Variants in RIPOR3 observed in about 807,000 individuals in gnomAD.
RIPOR3 encodes the protein family with sequence similarity 65 member C.
A neutral mutation model predicts 114.3 loss-of-function variants in RIPOR3; 95 were observed. That is an observed-to-expected ratio of 0.83 (90% CI 0.70 to 0.99). The LOEUF (loss-of-function observed/expected upper bound fraction) is 0.99, where lower values mean the gene tolerates loss of function less well. Ranked by LOEUF, RIPOR3 falls within the 50% of genes least tolerant of loss-of-function variation. The pLI, the probability that RIPOR3 is intolerant of heterozygous loss-of-function variation, is 0.00. For synonymous variants in RIPOR3, 575 were observed against 543.8 expected, an observed-to-expected ratio of 1.06 and a Z score of -0.80; for missense variants, 1,252 against 1,266.9, an observed-to-expected ratio of 0.99 and a Z score of 0.18.
Position 50,602,607 on chromosome 20 carries a change from A to T in RIPOR3, c.1124T>A (p.Leu375Gln). The T allele has an allele frequency of 6.6e-7, 1 of 1,509,728 alleles. No individual in the cohort carries two copies. Among genetic ancestry groups the T allele is most frequent in the Non-Finnish European group, 8.9e-7 (1 of 1,129,796 alleles). The allele number at this position is 1,509,728 out of a possible 1,614,324, so 93.5% of individuals were successfully genotyped here. ...LQQPTQQALLLGGPRATSILS... is the reference protein window; with the variant it reads ...LQQPTQQALLQGGPRATSILS... ...GATGGAGGTGGCCCTTGGGCCACCC[A>T]GCAGCAAGGCCTGCTGTGTTGGCTG... The change falls in exon 13 of 22, where the codon CTG becomes CAG. Residue 375 changes from leucine (L) to glutamine (Q), a missense_variant. Leu to Gln is a moderately radical substitution (Grantham distance 113, BLOSUM62 -2). Coordinates refer to ENST00000327979, the MANE Select transcript of RIPOR3 (RefSeq NM_001290268.2). The surrounding 1 kb of genome is among the most constrained non-coding windows in gnomAD (Gnocchi z 4.3).
chr20:50,668,819 T>C (rs1256970193), intron 1 of RIPOR3, among the ~76,000 whole-genome samples: 1 of 151,406 alleles, frequency 6.6e-6, no homozygotes, highest in Non-Finnish European at 1.5e-5. Flanking sequence ...ATCAAGCCAC[T>C]GCCCTCCAGC....
intron 19 of RIPOR3, 175 bp from the exon 20 acceptor site, chr20:50,589,944 T>C (rs531976013): frequency 1.1e-5 from 6 of 565,584 alleles, no homozygotes; most frequent in Non-Finnish European, 1.9e-5. Context: ...TCACAAGATC[T>C]ATACTGTGGT....
intron 1 of RIPOR3, among the ~76,000 whole-genome samples, chr20:50,679,638 G>A (rs1263014437): frequency 2.4e-4 from 36 of 151,114 alleles, no homozygotes; most frequent in African/African-American, 6.6e-4. Flanking sequence ...GCGTGGTGGC[G>A]CTCACCTGTA....
chr20:50,630,875 A>G lies in RIPOR3; in HGVS notation c.4-19T>C. The G allele has an allele frequency of 6.4e-7, 1 of 1,571,286 alleles. No individual in the cohort carries two copies. Among genetic ancestry groups the G allele is most frequent in the Non-Finnish European group, 8.6e-7 (1 of 1,156,202 alleles). ...TGGTCACCTGCAAGGAGAGGACAGG[A>G]GAGTCAGCCTGGCATCACCATCCAG... On this transcript the variant is annotated intron_variant, in intron 1 of 21. Transcript: ENST00000327979.
chr20:50,650,084 G>C (rs2085547456), intron 1 of RIPOR3, among the ~76,000 whole-genome samples: 1 of 152,154 alleles, frequency 6.6e-6, no homozygotes, highest in South Asian at 2.1e-4. Context: ...TTGGAGATCA[G>C]GGTGACTGCA....
At chr20:50,687,774 G>T (rs2087078730) in intron 1 of RIPOR3, among the ~76,000 whole-genome samples, 1 of 152,016 alleles carries the variant, frequency 6.6e-6, no homozygotes, top group African/African-American at 2.4e-5. Flanking sequence ...ATGGTAGCGG[G>T]TGCCTGTAAT....
At chr20:50,607,997 T>TGACC (rs1483869024) in intron 11 of RIPOR3, among the ~76,000 whole-genome samples, 12 of 151,990 alleles carry the variant, frequency 7.9e-5, no homozygotes, top group Non-Finnish European at 1.3e-4. Flanking sequence ...GGGACGCAGG[T>TGACC]GACCGCTCAG....
Position 50,609,725 on chromosome 20 carries a change from G to A in RIPOR3, c.427-3C>T, listed in dbSNP as rs1310936700. 12 of 1,368,736 alleles carry A rather than the reference G, an allele frequency of 8.8e-6. No homozygotes were observed. Among genetic ancestry groups the A allele is most frequent in the Non-Finnish European group, 1.0e-5 (11 of 1,058,706 alleles). The allele number at this position is 1,368,736 out of a possible 1,614,324, so 84.8% of individuals were successfully genotyped here. Reference sequence around the variant, plus strand: ...TAGTCCTCGTACAGCTCATCCACCTGTGGTGGGCACACGGGCTGGTGGCGC... The same window carrying A: ...TAGTCCTCGTACAGCTCATCCACCTATGGTGGGCACACGGGCTGGTGGCGC... On this transcript the variant is annotated splice_polypyrimidine_tract_variant and splice_region_variant and intron_variant, in intron 6 of 21. Coordinates refer to ENST00000327979, the MANE Select transcript of RIPOR3 (RefSeq NM_001290268.2).
At chr20:50,663,803 C>A (rs568478127) in intron 1 of RIPOR3, among the ~76,000 whole-genome samples, 11 of 152,178 alleles carry the variant, frequency 7.2e-5, no homozygotes, top group African/African-American at 2.7e-4. Flanking sequence ...TGATCCCCAT[C>A]CCCAGAAGGA....
chr20:50,608,718 G>A lies in RIPOR3; in HGVS notation c.705C>T (p.Arg235=), dbSNP rs2083823832. The A allele has an allele frequency of 3.1e-6, 5 of 1,613,870 alleles. No homozygotes were observed. Among genetic ancestry groups the A allele is most frequent in the South Asian group, 1.1e-5 (1 of 91,084 alleles). The change falls in exon 10 of 22, where the codon CGC becomes CGT. Residue 235 remains arginine, a synonymous_variant. Coordinates refer to ENST00000327979, the MANE Select transcript of RIPOR3 (RefSeq NM_001290268.2). ...TCCGACCCTTGAGCTTCCAACGCTG[G>A]CGGCCCAGACGCATGAGCACCTGTG... ...DHYEVLMRLG[R]QRWKLKGRIE...
chr20:50,646,184 G>C (rs147237840), intron 1 of RIPOR3, among the ~76,000 whole-genome samples: 32 of 152,156 alleles, frequency 2.1e-4, no homozygotes, highest in South Asian at 4.2e-4. Context: ...CTGGAGTGCA[G>C]TGGTGCGGTC....
At chr20:50,654,776 C>T (rs2085748072) in intron 1 of RIPOR3, among the ~76,000 whole-genome samples, 1 of 152,002 alleles carries the variant, frequency 6.6e-6, no homozygotes, top group South Asian at 2.1e-4. Context: ...GACAGCATCT[C>T]AATCTTTTGC....
intron 1 of RIPOR3, among the ~76,000 whole-genome samples, chr20:50,668,579 G>A (rs912672163): frequency 3.9e-5 from 6 of 152,158 alleles, no homozygotes; most frequent in African/African-American, 7.2e-5. Flanking sequence ...GGAAATGGCC[G>A]GGCACAGTGG....
At chr20:50,651,841 A>C (rs1164842590) in intron 1 of RIPOR3, among the ~76,000 whole-genome samples, 1 of 152,236 alleles carries the variant, frequency 6.6e-6, no homozygotes, top group Non-Finnish European at 1.5e-5. Flanking sequence ...CACACCAGAG[A>C]AGAGGGGGAG....
chr20:50,614,682 C>T (rs976069820), intron 4 of RIPOR3: 2 of 170,348 alleles, frequency 1.2e-5, no homozygotes, highest in Non-Finnish European at 2.9e-5. Flanking sequence ...CAACAAGGAA[C>T]AATTATTTTA....
Position 50,620,785 on chromosome 20 carries a change from G to A in RIPOR3, c.123-653C>T, listed in dbSNP as rs1600596783. ...TGGCTCTGCGCTACCCTATGGCCAT[G>A]GGCCTCAACAAGGGCCACAAGGTGA... On this transcript the variant is annotated intron_variant, in intron 2 of 21. Transcript: ENST00000327979. The A allele has an allele frequency of 6.0e-6, 6 of 1,008,324 alleles. No individual in the cohort carries two copies. The East Asian group carries it at 1.3e-4, about 22-fold the overall frequency. 62.5% of individuals were successfully genotyped at this position (1,008,324 alleles called of 1,614,324 possible).
chr20:50,608,583 C>A (rs767492599), intron 10 of RIPOR3, 30 bp downstream of exon 10: 9 of 1,613,648 alleles, frequency 5.6e-6, no homozygotes. Flanking sequence ...ACCCAGGCAC[C>A]CCAGCCCTGC....
At position 50,647,220 on chromosome 20, in the gene RIPOR3, T is replaced by A. The variant is rs575408523; in HGVS notation, c.4-16364A>T. ...CTGTAATCCCAGCTACTTGGGAGGC[T>A]GAGGCAGGAGAATCACTTGAACCCG... On this transcript the variant is annotated intron_variant, in intron 1 of 21. Transcript: ENST00000327979. Among the ~76,000 whole-genome samples, 9 of 152,144 alleles carry A rather than the reference T, an allele frequency of 5.9e-5. No individual in the cohort carries two copies. The East Asian group carries it at 1.6e-3, about 26-fold the overall frequency.
intron 3 of RIPOR3, 149 bp from the exon 4 acceptor site, chr20:50,616,229 G>C (rs1337239302): frequency 5.6e-6 from 4 of 711,108 alleles, no homozygotes; most frequent in Non-Finnish European, 9.4e-6. Flanking sequence ...CCCTCACACT[G>C]GGGGCTGTGT....
Sources: gnomAD v4.1 joint callset for allele counts (sites outside exome capture counted in the v4.1 genomes callset) on GRCh38, gnomAD v4.1.1 for gene constraint, Gnocchi (gnomAD v3.1) non-coding constraint, MANE v1.5 for transcripts, NCBI Gene and HGNC (gene_info 2026-07-23, HGNC 2026-07-21) for gene names.